The following FHIT variants were observed in gnomAD, a reference collection of about 807,000 sequenced individuals.
FHIT encodes bis(5'-adenosyl)-triphosphatase.
In FHIT, 19 loss-of-function variants were observed where a neutral mutation model predicts 17.9. The observed-to-expected ratio is 1.06, with a 90% CI of 0.74 to 1.56. The LOEUF (loss-of-function observed/expected upper bound fraction) is 1.56, where lower values mean the gene tolerates loss of function less well. Among genes scored for constraint, FHIT ranks in the 40% most tolerant of loss-of-function variants. The probability of loss-of-function intolerance (pLI) is 0.00; values close to 1 mark genes in which losing one functional copy is unlikely to be tolerated. For missense variants in FHIT, 248 were observed against 189.2 expected (o/e 1.31, Z -1.82); for synonymous variants, 81 against 69.7 (o/e 1.16, Z -0.81).
intron 5 of FHIT, among the ~76,000 whole-genome samples, chr3:60,331,083 T>A (rs1709947951): frequency 1.3e-5 from 2 of 152,146 alleles, no homozygotes; most frequent in African/African-American, 4.8e-5. Context: ...TCTTGTGCAA[T>A]CTTAAGTCCA....
chr3:60,665,715 A>G (rs1577046201), intron 4 of FHIT, among the ~76,000 whole-genome samples: 2 of 152,008 alleles, frequency 1.3e-5, no homozygotes, highest in South Asian at 2.1e-4. Flanking sequence ...ATTATGTTCT[A>G]TTATTCACTT....
At chr3:61,113,125 C>A (rs2036207757) in intron 2 of FHIT, among the ~76,000 whole-genome samples, 1 of 151,986 alleles carries the variant, frequency 6.6e-6, no homozygotes, top group South Asian at 2.1e-4. Flanking sequence ...CATCTCAGCA[C>A]CCCAAGTAAC....
intron 2 of FHIT, among the ~76,000 whole-genome samples, chr3:61,064,285 C>T (rs13323456): frequency 0.013 from 1,986 of 152,230 alleles, 42 homozygotes; most frequent in African/African-American, 0.044. Context: ...TCCCTCCTAT[C>T]CTGTGTTGAA....
chr3:60,865,996 C>CG (rs1704141744), intron 3 of FHIT, among the ~76,000 whole-genome samples: 1 of 151,944 alleles, frequency 6.6e-6, no homozygotes, highest in Admixed American at 6.6e-5. Context: ...AGAAGTGACT[C>CG]GGGGAAGCAT....
chr3:59,889,745 C>G (rs1044760894), intron 8 of FHIT, among the ~76,000 whole-genome samples: 1 of 152,158 alleles, frequency 6.6e-6, no homozygotes, highest in Admixed American at 6.5e-5. Context: ...GTCTTTGGTG[C>G]TCATTAAGAA....
intron 4 of FHIT, among the ~76,000 whole-genome samples, chr3:60,774,569 G>A (rs1465504945): frequency 1.3e-5 from 2 of 151,964 alleles, no homozygotes; most frequent in African/African-American, 4.8e-5. Context: ...CCAAAGAGTG[G>A]GATTACAGGC....
intron 3 of FHIT, among the ~76,000 whole-genome samples, chr3:60,858,924 T>C (rs1703496146): frequency 6.6e-6 from 1 of 152,184 alleles, no homozygotes; most frequent in African/African-American, 2.4e-5. Context: ...AAAAGCACCA[T>C]GATAGTGTTC....
chr3:60,282,451 T>C (rs1707506291), intron 5 of FHIT, among the ~76,000 whole-genome samples: 1 of 152,222 alleles, frequency 6.6e-6, no homozygotes, highest in East Asian at 1.9e-4. Flanking sequence ...TATAGTTTCT[T>C]AGGGCAATGT....
intron 5 of FHIT, among the ~76,000 whole-genome samples, chr3:60,144,292 T>C (rs1262487132): frequency 1.3e-5 from 2 of 152,224 alleles, no homozygotes; most frequent in Non-Finnish European, 2.9e-5. Flanking sequence ...ATCCCATTGA[T>C]ATGGATGGTG....
intron 8 of FHIT, among the ~76,000 whole-genome samples, chr3:59,855,465 T>C (rs1278985459): frequency 6.6e-5 from 10 of 152,220 alleles, no homozygotes; most frequent in Non-Finnish European, 4.4e-5. Context: ...TCCATCCTTA[T>C]TTAATCTTAT....
chr3:60,057,141 G>C (rs147053907), intron 5 of FHIT, among the ~76,000 whole-genome samples: 1 of 152,156 alleles, frequency 6.6e-6, no homozygotes, highest in Non-Finnish European at 1.5e-5. Flanking sequence ...TTCACTTTGT[G>C]AACACCTACT....
At chr3:61,227,711 C>T (rs913315937) in intron 1 of FHIT, among the ~76,000 whole-genome samples, 1 of 152,102 alleles carries the variant, frequency 6.6e-6, no homozygotes, top group African/African-American at 2.4e-5. Flanking sequence ...GATCATTATT[C>T]ATCTCTCTTA....
intron 5 of FHIT, among the ~76,000 whole-genome samples, chr3:60,414,844 A>G (rs755176980): frequency 6.6e-6 from 1 of 152,214 alleles, no homozygotes; most frequent in Non-Finnish European, 1.5e-5. Flanking sequence ...CCTTGACCTC[A>G]TCTGGTTTGA....
chr3:60,539,793 G>A (rs1307002995), intron 4 of FHIT, among the ~76,000 whole-genome samples: 1 of 152,052 alleles, frequency 6.6e-6, no homozygotes, highest in African/African-American at 2.4e-5. Context: ...GCCTGTTGTG[G>A]GGTGGGGCGA....
intron 5 of FHIT, among the ~76,000 whole-genome samples, chr3:60,388,465 G>C (rs996947804): frequency 6.6e-6 from 1 of 152,006 alleles, no homozygotes; most frequent in Non-Finnish European, 1.5e-5. Context: ...AGCAGGGCCT[G>C]GTGGTCACAT....
chr3:59,893,695 C>A (rs551011986), intron 8 of FHIT, among the ~76,000 whole-genome samples: 2 of 152,200 alleles, frequency 1.3e-5, no homozygotes, highest in South Asian at 4.1e-4. Flanking sequence ...TGAAAAGTTA[C>A]TTATGAGATA....
chr3:60,509,211 G>A (rs2107539698), intron 5 of FHIT, among the ~76,000 whole-genome samples: 1 of 152,270 alleles, frequency 6.6e-6, no homozygotes, highest in Non-Finnish European at 1.5e-5. Flanking sequence ...GACATGTATG[G>A]TTGGAGCTAC....
chr3:60,477,561 G>C (rs2033408630), intron 5 of FHIT, among the ~76,000 whole-genome samples: 1 of 152,182 alleles, frequency 6.6e-6, no homozygotes, highest in South Asian at 2.1e-4. Context: ...AGTGAGAACA[G>C]TGCTACTGTT....
chr3:61,206,138 C>T (rs1455489159), intron 1 of FHIT, among the ~76,000 whole-genome samples: 2 of 130,742 alleles, frequency 1.5e-5, no homozygotes, highest in East Asian at 2.4e-4. Context: ...AGATATGTGG[C>T]ATTATTTCTG....
Sources: allele counts gnomAD v4.1 joint callset (sites outside exome capture counted in the v4.1 genomes callset), GRCh38; gene constraint gnomAD v4.1.1; transcripts MANE v1.5; gene names NCBI Gene and HGNC (gene_info 2026-07-23, HGNC 2026-07-21).